PHEX: variants seen among roughly 807,000 people sequenced by gnomAD.
The protein encoded by PHEX is phosphate-regulating neutral endopeptidase PHEX.
A neutral mutation model predicts 68.0 loss-of-function variants in PHEX; 16 were observed. The ratio of observed to expected loss-of-function variants is 0.24; its 90% CI spans 0.16 to 0.36. The LOEUF (loss-of-function observed/expected upper bound fraction) is 0.36. Among genes scored for constraint, PHEX ranks in the 10% least tolerant of loss-of-function variants. The pLI is 1.00. For synonymous variants in PHEX, 208 were observed against 205.1 expected, an observed-to-expected ratio of 1.01 and a Z score of -0.12; for missense variants, 480 against 575.5, an observed-to-expected ratio of 0.83 and a Z score of 1.70.
intron 2 of PHEX, among the ~76,000 whole-genome samples, 178 bp downstream of exon 2, chrX:22,038,715 G>A (rs745549512): frequency 4.5e-4 from 50 of 112,015 alleles, no homozygotes; most frequent in African/African-American, 1.6e-3. Flanking sequence ...TGGAGCTTAG[G>A]TTTCCTGTTT....
rs556911127 is a variant in PHEX, at chrX:22,061,575, A to G, written c.349+14364A>G. Among the ~76,000 whole-genome samples the G allele has an allele frequency of 5.5e-4, 62 of 111,722 alleles. No homozygotes were observed. In the South Asian group the frequency reaches 0.023, roughly 41 times the overall value. On this transcript the variant is annotated intron_variant, in intron 3 of 21. Transcript: ENST00000379374. ...GCACTTTATTGAGGTGACCTTATTTAATAATATCATTAGTTATCATTTATT... is the reference window on the plus strand; with the variant it reads ...GCACTTTATTGAGGTGACCTTATTTGATAATATCATTAGTTATCATTTATT...
chrX:22,155,818 A>G lies in PHEX; in HGVS notation c.1405-12494A>G, dbSNP rs1238907926. The stretch of plus-strand genomic sequence containing the variant: ...TTATTTTTCCCTTGCTATCTTTACT[A>G]TTGGTTTTGAAAAATGGGGAAACCT... On this transcript the variant is annotated intron_variant, in intron 12 of 21. Transcript: ENST00000379374. Among the ~76,000 whole-genome samples the G allele has an allele frequency of 5.4e-5, 6 of 111,466 alleles. No homozygotes were observed. In the East Asian group the frequency reaches 1.7e-3, roughly 31 times the overall value.
Position 22,076,614 on chromosome X carries a change from T to A in PHEX, c.436+140T>A, listed in dbSNP as rs978939161. 5.9e-6 allele frequency: 3 copies of A among 504,288 alleles called. No homozygotes were observed. In the Admixed American group the frequency reaches 9.3e-5, roughly 16 times the overall value. The allele number at this position is 504,288 out of a possible 1,213,427, so 41.6% of individuals were successfully genotyped here. A position where few individuals can be genotyped will look rare whatever the true frequency, so the allele number is the denominator to read the frequency against. On this transcript the variant is annotated intron_variant, in intron 4 of 21. Coordinates refer to ENST00000379374, the MANE Select transcript of PHEX (RefSeq NM_000444.6). Reference sequence around the variant, plus strand: ...TTTAAAGGTGTTAAAGGAATGATTGTGAAAGACTGGATTTTGACTAGTCCC... The same window carrying A: ...TTTAAAGGTGTTAAAGGAATGATTGAGAAAGACTGGATTTTGACTAGTCCC...
chrX:22,047,082 G>A lies in PHEX; in HGVS notation c.220G>A (p.Val74Met). 1 of 1,208,966 alleles carries A rather than the reference G, an allele frequency of 8.3e-7. No individual in the cohort carries two copies. Among genetic ancestry groups the A allele is most frequent in the Non-Finnish European group, 1.1e-6 (1 of 892,978 alleles). The part of the protein sequence containing the change: ...AAILSKVNLS[V>M]DPCDNFFRFA... ...CATCTTAAGTAAAGTAAATCTGTCTGTGGATCCTTGTGATAATTTCTTCCG... is the reference window on the plus strand; with the variant it reads ...CATCTTAAGTAAAGTAAATCTGTCTATGGATCCTTGTGATAATTTCTTCCG... The change falls in exon 3 of 22, where the codon GTG becomes ATG. Residue 74 changes from valine to methionine, a missense_variant. Coordinates refer to ENST00000379374, the MANE Select transcript of PHEX (RefSeq NM_000444.6).
intron 2 of PHEX, among the ~76,000 whole-genome samples, chrX:22,045,313 TC>T (rs1927478775): frequency 9.0e-6 from 1 of 111,673 alleles, no homozygotes; most frequent in African/African-American, 3.2e-5. Flanking sequence ...TTTCATTACT[TC>T]AAACAAAAAT....
rs1569369682 is a variant in PHEX at position 22,047,158 on chromosome X, C to T, written c.296C>T (p.Pro99Leu). 8.3e-7 allele frequency: 1 copy of T among 1,209,032 alleles called. No homozygotes were observed. The highest frequency in any genetic ancestry group is 1.1e-6 in the Non-Finnish European group (1 of 893,129). Residue 99 changes from proline to leucine, a missense_variant, in exon 3 of 22, where the codon CCA becomes CTA. Transcript: ENST00000379374. ...AATAATCCAATTCCCGAAGATATGC[C>T]AAGCTATGGGGTTTATCCTTGGCTG... Reference protein sequence around the residue: ...ISNNPIPEDMPSYGVYPWLRH... With the variant: ...ISNNPIPEDMLSYGVYPWLRH...
chrX:22,208,115 T>C (rs776297369), intron 15 of PHEX, among the ~76,000 whole-genome samples: 1 of 107,952 alleles, frequency 9.3e-6, no homozygotes, highest in Non-Finnish European at 1.9e-5. Context: ...ACAAGTTTAT[T>C]ATCTTTGGAT....
chrX:22,065,819 ATT>A (rs1928574749), intron 3 of PHEX, among the ~76,000 whole-genome samples: 1 of 112,059 alleles, frequency 8.9e-6, no homozygotes, highest in Non-Finnish European at 1.9e-5. Flanking sequence ...AGCAGTCATC[ATT>A]GTTTATTTCT....
chrX:22,163,608 C>T (rs1933212712), intron 12 of PHEX, among the ~76,000 whole-genome samples: 1 of 111,353 alleles, frequency 9.0e-6, no homozygotes, highest in East Asian at 2.8e-4. Flanking sequence ...AGTTTTTGAT[C>T]AGCCACAAAC....
intron 3 of PHEX, among the ~76,000 whole-genome samples, chrX:22,048,678 C>A (rs921968411): frequency 3.6e-5 from 4 of 111,899 alleles, no homozygotes; most frequent in Non-Finnish European, 5.6e-5. Context: ...AAGTTAAAAT[C>A]AGTGTCAATA....
intron 20 of PHEX, among the ~76,000 whole-genome samples, chrX:22,228,740 A>AATT (rs973151127): frequency 2.1e-5 from 2 of 93,189 alleles, no homozygotes; most frequent in African/African-American, 7.9e-5. Context: ...TTTAAAAAAA[A>AATT]ATTATACTTT....
At chrX:22,067,222 A>T (rs984880807) in intron 3 of PHEX, among the ~76,000 whole-genome samples, 10 of 109,756 alleles carry the variant, frequency 9.1e-5, no homozygotes, top group African/African-American at 2.7e-4. Flanking sequence ...AGCCCAGGCA[A>T]CAGAGTGAGG....
chrX:22,042,422 A>G (rs894939879), intron 2 of PHEX, among the ~76,000 whole-genome samples: 4 of 112,236 alleles, frequency 3.6e-5, no homozygotes, highest in Non-Finnish European at 5.6e-5. Flanking sequence ...TAGCCACGCT[A>G]AGCCTCAGTC....
At chrX:22,036,451 A>C in intron 1 of PHEX, among the ~76,000 whole-genome samples, 1 of 111,783 alleles carries the variant, frequency 8.9e-6, no homozygotes, top group Middle Eastern at 4.6e-3. Flanking sequence ...GTCAAGAATT[A>C]TCTCTCATGA....
At chrX:22,112,901 G>A (rs991698818) in intron 10 of PHEX, among the ~76,000 whole-genome samples, 16 of 109,632 alleles carry the variant, frequency 1.5e-4, no homozygotes, top group Non-Finnish European at 1.3e-4. Context: ...GCAAGACTCC[G>A]TCTCAAAAAA....
At position 22,176,399 on chromosome X, in the gene PHEX, AAAAATATATATATATAT is replaced by A. The variant is rs1350957125; in HGVS notation, c.1483-1872_1483-1856del. On this transcript the variant is annotated intron_variant, in intron 13 of 21. Coordinates refer to ENST00000379374, the MANE Select transcript of PHEX (RefSeq NM_000444.6). ...GAGACTGTCTCAAAAAAAAAAAAAA[AAAAATATATATATATAT>A]ATATATATATGTATGTATATATGAT... Among the ~76,000 whole-genome samples, 78 of 64,806 alleles carry A rather than the reference AAAAATATATATATATAT, an allele frequency of 1.2e-3. 1 individual carries two copies. The highest frequency in any genetic ancestry group is 7.1e-3 in the African/African-American group (73 of 10,344). 56.3% of individuals were successfully genotyped at this position (64,806 alleles called of 115,157 possible).
intron 12 of PHEX, among the ~76,000 whole-genome samples, chrX:22,158,896 C>A (rs1348655463): frequency 2.7e-5 from 3 of 111,965 alleles, no homozygotes; most frequent in African/African-American, 9.7e-5. Context: ...TTTCTGAGTT[C>A]ATTTGTGATA....
intron 20 of PHEX, among the ~76,000 whole-genome samples, chrX:22,244,135 G>C (rs1396585004): frequency 9.0e-6 from 1 of 111,478 alleles, no homozygotes. Flanking sequence ...TCTTTGCAGG[G>C]ACATGGATGA....
intron 12 of PHEX, among the ~76,000 whole-genome samples, chrX:22,158,451 G>GA (rs1038330400): frequency 5.4e-5 from 6 of 111,636 alleles, no homozygotes; most frequent in Admixed American, 9.5e-5. Flanking sequence ...TAATAAAAAA[G>GA]AAAAAATATG....
Sources: gnomAD v4.1 joint callset for allele counts (sites outside exome capture counted in the v4.1 genomes callset) on GRCh38, gnomAD v4.1.1 for gene constraint, MANE v1.5 for transcripts, NCBI Gene and HGNC (gene_info 2026-07-23, HGNC 2026-07-21) for gene names.